The following NEGR1 variants were observed in gnomAD, a reference collection of about 807,000 sequenced individuals.
The protein encoded by NEGR1 is neuronal growth regulator 1.
A neutral mutation model predicts 40.9 loss-of-function variants in NEGR1; 10 were observed. The ratio of observed to expected loss-of-function variants is 0.24; its 90% CI spans 0.15 to 0.42. The LOEUF (loss-of-function observed/expected upper bound fraction) is 0.42, where lower values mean the gene tolerates loss of function less well. Ranked by LOEUF, NEGR1 falls within the 10% of genes least tolerant of loss-of-function variation. NEGR1 has a pLI of 1.00. For missense variants in NEGR1, 352 were observed against 438.9 expected (o/e 0.80, Z 1.77); for synonymous variants, 185 against 166.8 (o/e 1.11, Z -0.84).
At chr1:71,755,780 C>G (rs572567603) in intron 3 of NEGR1, among the ~76,000 whole-genome samples, 1 of 152,154 alleles carries the variant, frequency 6.6e-6, no homozygotes, top group South Asian at 2.1e-4. Context: ...TCTCTTCTGG[C>G]AAGATTTTAA....
chr1:71,601,254 A>T (rs1414569352), intron 5 of NEGR1, among the ~76,000 whole-genome samples: 1 of 152,236 alleles, frequency 6.6e-6, no homozygotes, highest in Non-Finnish European at 1.5e-5. Flanking sequence ...ATGCAAATTA[A>T]AACCACAATG....
At chr1:72,121,133 C>T (rs575255684) in intron 1 of NEGR1, among the ~76,000 whole-genome samples, 12 of 152,010 alleles carry the variant, frequency 7.9e-5, no homozygotes, top group African/African-American at 2.9e-4. Context: ...GCAAATTTTA[C>T]TATTTTATTG....
At chr1:72,175,164 G>T (rs1029969077) in intron 1 of NEGR1, among the ~76,000 whole-genome samples, 1 of 151,540 alleles carries the variant, frequency 6.6e-6, no homozygotes, top group African/African-American at 2.4e-5. Flanking sequence ...ATTAGACACA[G>T]ATATGGTGCA....
intron 3 of NEGR1, among the ~76,000 whole-genome samples, chr1:71,748,906 A>G (rs915946121): frequency 2.4e-4 from 36 of 152,146 alleles, no homozygotes; most frequent in African/African-American, 8.4e-4. Flanking sequence ...ATCAAAGAAA[A>G]TTATCTGAAG....
intron 2 of NEGR1, among the ~76,000 whole-genome samples, chr1:71,879,552 T>C (rs1328309070): frequency 2.0e-5 from 3 of 152,140 alleles, no homozygotes; most frequent in Non-Finnish European, 2.9e-5. Flanking sequence ...AGATTAAATA[T>C]GTGATGATAA....
intron 6 of NEGR1, among the ~76,000 whole-genome samples, chr1:71,447,918 A>G (rs947941488): frequency 6.6e-6 from 1 of 152,228 alleles, no homozygotes; most frequent in Non-Finnish European, 1.5e-5. Context: ...CTCCTACAAT[A>G]AGAAAAAACT....
chr1:71,464,426 A>G (rs886078111), intron 6 of NEGR1, among the ~76,000 whole-genome samples: 5 of 152,118 alleles, frequency 3.3e-5, no homozygotes, highest in African/African-American at 1.2e-4. Context: ...GACAGTTATG[A>G]GAAAGATAAA....
At chr1:72,038,720 TAGAA>T (rs1646926398) in intron 1 of NEGR1, among the ~76,000 whole-genome samples, 1 of 152,034 alleles carries the variant, frequency 6.6e-6, no homozygotes, top group Admixed American at 6.6e-5. Flanking sequence ...GAAACAACAT[TAGAA>T]AGAGATAGAA....
intron 3 of NEGR1, among the ~76,000 whole-genome samples, chr1:71,722,110 C>A (rs1294218345): frequency 2.6e-5 from 4 of 151,988 alleles, no homozygotes; most frequent in Non-Finnish European, 5.9e-5. Flanking sequence ...TCTGGTTGTG[C>A]TTTTAGAAGA....
intron 1 of NEGR1, among the ~76,000 whole-genome samples, chr1:71,945,879 A>G (rs1337088473): frequency 4.6e-5 from 7 of 152,222 alleles, no homozygotes; most frequent in Admixed American, 3.9e-4. Context: ...TTATAAAGTT[A>G]TAAAGTGAAT....
At chr1:72,097,955 A>G (rs1648773517) in intron 1 of NEGR1, among the ~76,000 whole-genome samples, 2 of 152,174 alleles carry the variant, frequency 1.3e-5, no homozygotes, top group African/African-American at 2.4e-5. Flanking sequence ...TTGCATTGGA[A>G]ATGAAATCTG....
At chr1:71,791,007 CAACAAAA>C in intron 2 of NEGR1, among the ~76,000 whole-genome samples, 1 of 151,738 alleles carries the variant, frequency 6.6e-6, no homozygotes, top group Admixed American at 6.6e-5. Context: ...AGAGGGGAGG[CAACAAAA>C]ATGTAGATAA....
chr1:71,705,211 T>C (rs913361252), intron 3 of NEGR1, among the ~76,000 whole-genome samples: 7 of 152,172 alleles, frequency 4.6e-5, no homozygotes, highest in Admixed American at 3.3e-4. Context: ...TTATCTACTC[T>C]AACCTATATC....
Position 71,758,331 on chromosome 1 carries a change from G to A in NEGR1, c.535+17841C>T, listed in dbSNP as rs143358546. ...AAAGATTAATCAGATACATTTATTA[G>A]TCACATTAAGATTTTACAGTATTCT... On this transcript the variant is annotated intron_variant, in intron 3 of 6. Transcript: ENST00000357731. 3.5e-3 allele frequency among the ~76,000 whole-genome samples: 538 copies of A among 152,018 alleles called. 3 individuals carry two copies. Among genetic ancestry groups the A allele is most frequent in the African/African-American group, 0.012 (492 of 41,506 alleles).
In NEGR1 at chr1:71,499,485, G is replaced by A. The variant is rs1251468329; in HGVS notation, c.941-91915C>T. On this transcript the variant is annotated intron_variant, in intron 6 of 6. Transcript: ENST00000357731. ...AAAATGTATATATTGTATATAATAT[G>A]TATATATAATTGTATATGTTATATA... Among the ~76,000 whole-genome samples, 14 of 147,450 alleles carry A rather than the reference G, an allele frequency of 9.5e-5. No individual in the cohort carries two copies. In the Admixed American group the frequency reaches 9.6e-4, roughly 10 times the overall value.
chr1:71,529,547 TTA>T (rs1191550402), intron 6 of NEGR1, among the ~76,000 whole-genome samples: 1 of 151,192 alleles, frequency 6.6e-6, no homozygotes, highest in Non-Finnish European at 1.5e-5. Context: ...TTTCCACTCT[TTA>T]AAATAAAAGT....
intron 1 of NEGR1, among the ~76,000 whole-genome samples, chr1:71,959,393 G>C (rs1646144958): frequency 6.6e-6 from 1 of 152,008 alleles, no homozygotes; most frequent in African/African-American, 2.4e-5. Context: ...GTTTTTTCTG[G>C]TACAAACCCA....
chr1:71,549,558 A>T (rs990535159), intron 6 of NEGR1, among the ~76,000 whole-genome samples: 2 of 151,674 alleles, frequency 1.3e-5, no homozygotes, highest in African/African-American at 4.8e-5. Context: ...TTTAAAAAAC[A>T]TATTTATTTT....
chr1:71,957,779 C>T (rs1322992851), intron 1 of NEGR1, among the ~76,000 whole-genome samples: 1 of 152,150 alleles, frequency 6.6e-6, no homozygotes, highest in Non-Finnish European at 1.5e-5. Context: ...CACATAATTC[C>T]TCATGGCCCA....
Sources: allele counts gnomAD v4.1 joint callset (sites outside exome capture counted in the v4.1 genomes callset), GRCh38; gene constraint gnomAD v4.1.1; transcripts MANE v1.5; gene names NCBI Gene and HGNC (gene_info 2026-07-23, HGNC 2026-07-21).